The following SGK2 variants were observed in gnomAD, a reference collection of about 807,000 sequenced individuals.
SGK2 encodes serum/glucocorticoid regulated kinase 2.
Under a neutral mutation model 47.5 loss-of-function variants are expected in SGK2, and 36 were observed. The observed-to-expected ratio is 0.76, with a 90% CI of 0.58 to 1.00. The LOEUF (loss-of-function observed/expected upper bound fraction) is 1.00, where lower values mean the gene tolerates loss of function less well. SGK2 is among the 50% of genes least tolerant of loss of function. The probability of loss-of-function intolerance (pLI) is 0.00; values close to 1 mark genes in which losing one functional copy is unlikely to be tolerated. For missense variants in SGK2, 404 were observed against 467.4 expected (o/e 0.86, Z 1.25); for synonymous variants, 157 against 181.9 (o/e 0.86, Z 1.10).
At chr20:43,583,400 T>C in intron 12 of SGK2, 1 of 1,224,886 alleles carries the variant, frequency 8.2e-7, no homozygotes, top group South Asian at 1.4e-5. Flanking sequence ...ATCATTTTCT[T>C]CTACAGTCAC....
chr20:43,583,800 T>A (rs1043265557), intron 12 of SGK2: 10 of 171,072 alleles, frequency 5.8e-5, no homozygotes, highest in Admixed American at 2.0e-4. Flanking sequence ...GAGACCCCCA[T>A]CTTTATAGAA....
intron 3 of SGK2, 83 bp from the exon 4 acceptor site, chr20:43,567,582 T>G (rs1979811676): frequency 2.3e-6 from 3 of 1,314,330 alleles, no homozygotes; most frequent in Non-Finnish European, 3.3e-6. Flanking sequence ...ATTCTAAAGT[T>G]AAAAAGAAGC....
At chr20:43,568,137 G>A in intron 5 of SGK2, 138 bp downstream of exon 5, 1 of 657,998 alleles carries the variant, frequency 1.5e-6, no homozygotes, top group South Asian at 1.9e-5. Context: ...GTAGAGGGGA[G>A]GTGGTACGCA....
intron 12 of SGK2, chr20:43,583,562 C>T (rs1235539623): frequency 5.1e-6 from 5 of 985,206 alleles, no homozygotes; most frequent in Non-Finnish European, 6.0e-6. Flanking sequence ...ATTTGCAAGC[C>T]CTTCCCCTTC....
intron 1 of SGK2, chr20:43,564,802 A>G (rs1461210208): frequency 6.6e-6 from 1 of 152,616 alleles, no homozygotes; most frequent in Non-Finnish European, 1.5e-5. Context: ...GCTGATGTAA[A>G]TGTACAAATG....
chr20:43,580,017 G>A lies in SGK2; in HGVS notation c.895G>A (p.Asp299Asn). 1 of 1,612,134 alleles carries A rather than the reference G, an allele frequency of 6.2e-7. No individual in the cohort carries two copies. Among genetic ancestry groups the A allele is most frequent in the Non-Finnish European group, 8.5e-7 (1 of 1,179,034 alleles). ...HVFFSPINWD[D>N]LYHKRLTPPF... ...ATTCTTCAGCCCCATAAACTGGGATGACCTGTACCACAAGAGGCTAACTCC... is the reference window on the plus strand; with the variant it reads ...ATTCTTCAGCCCCATAAACTGGGATAACCTGTACCACAAGAGGCTAACTCC... The change falls in exon 12 of 13, where the codon GAC (aspartate) becomes AAC (asparagine). Residue 299 changes from aspartate (D) to asparagine (N), a missense_variant. Asp to Asn is a conservative substitution (Grantham distance 23, BLOSUM62 1). Transcript: ENST00000373100.
intron 5 of SGK2, 90 bp downstream of exon 5, chr20:43,568,089 G>T: frequency 9.8e-7 from 1 of 1,023,694 alleles, no homozygotes; most frequent in Non-Finnish European, 1.5e-6. Flanking sequence ...CCTCTGACAG[G>T]TCCATGGGCC....
chr20:43,563,399 C>A (rs76019590), intron 1 of SGK2, among the ~76,000 whole-genome samples: 1,597 of 152,268 alleles, frequency 0.01, 26 homozygotes, highest in African/African-American at 0.036. Flanking sequence ...ACACCAAATT[C>A]TTCAGAGAAG....
intron 1 of SGK2, among the ~76,000 whole-genome samples, chr20:43,564,268 G>A (rs1291758000): frequency 1.3e-5 from 2 of 152,268 alleles, no homozygotes; most frequent in African/African-American, 2.4e-5. Flanking sequence ...GGCCCGCAGG[G>A]AAAGGCCAAA....
At chr20:43,570,776 C>T in intron 7 of SGK2, 47 bp downstream of exon 7, 1 of 1,448,894 alleles carries the variant, frequency 6.9e-7, no homozygotes, top group Non-Finnish European at 9.6e-7. Context: ...CCTTCTTGCT[C>T]CAACAGCTAG....
intron 1 of SGK2, among the ~76,000 whole-genome samples, chr20:43,565,452 G>A (rs1979643940): frequency 6.6e-6 from 1 of 152,218 alleles, no homozygotes; most frequent in Non-Finnish European, 1.5e-5. Flanking sequence ...TTAAGGCTTG[G>A]CAGGGCTGGG....
intron 1 of SGK2, among the ~76,000 whole-genome samples, chr20:43,562,633 C>A (rs372131809): frequency 6.6e-6 from 1 of 151,152 alleles, no homozygotes; most frequent in Non-Finnish European, 1.5e-5. Context: ...CCCAGCTACT[C>A]GGGAGGCTGA....
At chr20:43,581,021 G>A (rs536482037) in intron 12 of SGK2, among the ~76,000 whole-genome samples, 3 of 151,700 alleles carry the variant, frequency 2.0e-5, no homozygotes, top group East Asian at 2.0e-4. Flanking sequence ...GACTACAGGC[G>A]CCCACCACCA....
chr20:43,583,614 G>A, intron 12 of SGK2: 1 of 985,422 alleles, frequency 1.0e-6, no homozygotes, highest in Non-Finnish European at 1.2e-6. Flanking sequence ...CCTCCACAGA[G>A]AGACTGTATT....
intron 1 of SGK2, chr20:43,566,245 T>A (rs1979699626): frequency 3.3e-6 from 4 of 1,205,692 alleles, no homozygotes; most frequent in Non-Finnish European, 4.7e-6. Flanking sequence ...ACCCTGACCA[T>A]CCCCCTTTAT....
chr20:43,568,114 G>A, intron 5 of SGK2, 115 bp downstream of exon 5: 1 of 790,072 alleles, frequency 1.3e-6, no homozygotes, highest in East Asian at 2.6e-5. Flanking sequence ...TGCAGAAGTG[G>A]TCACAACAAA....
At chr20:43,579,865 G>A (rs1980683406) in intron 11 of SGK2, 107 bp from the exon 12 acceptor site, 2 of 772,128 alleles carry the variant, frequency 2.6e-6, no homozygotes, top group South Asian at 1.4e-5. Context: ...TTAATTTCCA[G>A]TTGACAGCCA....
intron 1 of SGK2, among the ~76,000 whole-genome samples, chr20:43,562,757 A>G (rs897155373): frequency 6.6e-6 from 1 of 152,142 alleles, no homozygotes; most frequent in Non-Finnish European, 1.5e-5. Context: ...AAATAAATAA[A>G]TAAAGATTGA....
chr20:43,569,759 C>T (rs1979983433), intron 6 of SGK2: 1 of 482,798 alleles, frequency 2.1e-6, no homozygotes. Flanking sequence ...TGCTTTCTTG[C>T]CTTCCTCATT....
Sources: gnomAD v4.1 joint callset for allele counts (sites outside exome capture counted in the v4.1 genomes callset) on GRCh38, gnomAD v4.1.1 for gene constraint, MANE v1.5 for transcripts, NCBI Gene and HGNC (gene_info 2026-07-23, HGNC 2026-07-21) for gene names.